TRPM3: variants seen among roughly 807,000 people sequenced by gnomAD.
The protein encoded by TRPM3 is long transient receptor potential channel 3.
A neutral mutation model predicts 181.2 loss-of-function variants in TRPM3; 77 were observed. The ratio of observed to expected loss-of-function variants is 0.42; its 90% CI spans 0.35 to 0.51. The LOEUF (loss-of-function observed/expected upper bound fraction) is 0.51. TRPM3 is among the 20% of genes least tolerant of loss of function. The pLI is 0.01. For missense variants in TRPM3, 1,759 were observed against 2,196.7 expected (o/e 0.80, Z 3.98); for synonymous variants, 745 against 796.4 (o/e 0.94, Z 1.09).
chr9:70,966,619 T>G (rs965923256), intron 1 of TRPM3, among the ~76,000 whole-genome samples: 1 of 152,148 alleles, frequency 6.6e-6, no homozygotes, highest in East Asian at 1.9e-4. Context: ...GAGGCCATTA[T>G]CCTTAGCAAA....
intron 1 of TRPM3, among the ~76,000 whole-genome samples, chr9:70,899,543 C>G (rs1159749670): frequency 6.6e-6 from 1 of 152,100 alleles, no homozygotes; most frequent in Non-Finnish European, 1.5e-5. Flanking sequence ...GTGCTGCTTC[C>G]TTTGCCTAAA....
intron 15 of TRPM3, 54 bp from the exon 16 acceptor site, chr9:70,620,419 C>CTA: frequency 6.5e-7 from 1 of 1,540,890 alleles, no homozygotes; most frequent in Non-Finnish European, 8.8e-7. Context: ...TGGTTCATTT[C>CTA]AGCAAGTAGC....
intron 1 of TRPM3, among the ~76,000 whole-genome samples, chr9:71,351,100 T>C (rs934689377): frequency 8.7e-4 from 132 of 152,296 alleles, no homozygotes; most frequent in African/African-American, 3.1e-3. Flanking sequence ...TTTTTAAAGG[T>C]GAACCTGATG....
chr9:71,385,011 C>T (rs188794559), intron 1 of TRPM3, among the ~76,000 whole-genome samples: 49 of 152,286 alleles, frequency 3.2e-4, no homozygotes, highest in African/African-American at 1.2e-3. Flanking sequence ...AATGTTGCAT[C>T]TTCTGAGATA....
chr9:71,326,076 C>A (rs1007506455), intron 1 of TRPM3, among the ~76,000 whole-genome samples: 2 of 152,078 alleles, frequency 1.3e-5, no homozygotes, highest in African/African-American at 4.8e-5. Context: ...AATACTTGCC[C>A]ATGTCAGAAA....
At chr9:71,309,536 T>C (rs1047543262) in intron 1 of TRPM3, among the ~76,000 whole-genome samples, 2 of 152,140 alleles carry the variant, frequency 1.3e-5, no homozygotes, top group Non-Finnish European at 2.9e-5. Context: ...CAAAATAAAG[T>C]ATGCTCTGCA....
upstream of TRPM3, among the ~76,000 whole-genome samples, chr9:71,122,466 T>C (rs776946217): frequency 1.3e-5 from 2 of 152,216 alleles, no homozygotes; most frequent in African/African-American, 4.8e-5. Context: ...GTGGGAGCAG[T>C]TGACCTGACA....
intron 1 of TRPM3, among the ~76,000 whole-genome samples, chr9:71,239,398 G>A (rs1216322513): frequency 6.6e-6 from 1 of 152,064 alleles, no homozygotes; most frequent in East Asian, 1.9e-4. Context: ...CAAAAATTAA[G>A]TCTGGCTTCC....
intron 1 of TRPM3, among the ~76,000 whole-genome samples, chr9:70,970,928 A>G (rs1301265073): frequency 6.6e-6 from 1 of 152,202 alleles, no homozygotes; most frequent in Non-Finnish European, 1.5e-5. Context: ...GAACAAGTAA[A>G]AAACCCAAAC....
At position 70,553,034 on chromosome 9, in the gene TRPM3, A is replaced by T; in HGVS notation, c.3384T>A (p.Phe1128Leu). The change falls in exon 24 of 26, where the codon TTT becomes TTA. Residue 1128 changes from phenylalanine to leucine, a missense_variant. This residue lies in a region of TRPM3 where 94 missense variants were observed against 221.3 expected (regional missense o/e 0.42). Coordinates refer to ENST00000677713, the MANE Select transcript of TRPM3 (RefSeq NM_001366145.2). ...NLLIAVFNNT[F>L]FEVKSISNQV... ...GGTTGGATATCGATTTTACTTCAAA[A>T]AATGTATTGCTAAAATAGAGACCAA... 1 of 1,614,188 alleles carries T rather than the reference A, an allele frequency of 6.2e-7. No individual in the cohort carries two copies.
chr9:71,412,352 G>A (rs1343776376), intron 1 of TRPM3, among the ~76,000 whole-genome samples: 1 of 152,084 alleles, frequency 6.6e-6, no homozygotes, highest in Non-Finnish European at 1.5e-5. Flanking sequence ...CTACCCACCT[G>A]ACAAAGGGCT....
intron 1 of TRPM3, among the ~76,000 whole-genome samples, chr9:71,160,501 C>T (rs1339832161): frequency 2.0e-5 from 3 of 152,220 alleles, no homozygotes; most frequent in South Asian, 2.1e-4. Flanking sequence ...CACCTCTGCC[C>T]CAACTCCAGA....
At chr9:71,431,724 T>A (rs1012095893) in intron 1 of TRPM3, among the ~76,000 whole-genome samples, 3 of 152,220 alleles carry the variant, frequency 2.0e-5, no homozygotes, top group African/African-American at 7.2e-5. Flanking sequence ...TTTTATTTCA[T>A]CTTCCATAAC....
intron 1 of TRPM3, among the ~76,000 whole-genome samples, chr9:71,139,626 T>C (rs148932234): frequency 6.6e-6 from 1 of 152,314 alleles, no homozygotes; most frequent in East Asian, 1.9e-4. Context: ...ATAGAAACTT[T>C]AACTTACATT....
chr9:71,212,851 C>CTATG (rs3041656), intron 1 of TRPM3, among the ~76,000 whole-genome samples: 63,929 of 150,960 alleles, frequency 0.42, 13,900 homozygotes, highest in East Asian at 0.51. Context: ...GCCAGCTTTA[C>CTATG]TATGTATGTA....
At chr9:71,046,949 A>T (rs1414019840) in intron 1 of TRPM3, among the ~76,000 whole-genome samples, 1 of 152,224 alleles carries the variant, frequency 6.6e-6, no homozygotes, top group Non-Finnish European at 1.5e-5. Context: ...ACCAAATACC[A>T]TATACCTGTT....
At chr9:71,125,967 A>G (rs1280936073), upstream of TRPM3, among the ~76,000 whole-genome samples, 4 of 152,190 alleles carry the variant, frequency 2.6e-5, no homozygotes, top group South Asian at 2.1e-4. Context: ...TTTGCAATCT[A>G]TCCATCTGAC....
intron 22 of TRPM3, among the ~76,000 whole-genome samples, chr9:70,581,641 T>G (rs1422271423): frequency 6.6e-6 from 1 of 152,196 alleles, no homozygotes; most frequent in Non-Finnish European, 1.5e-5. Flanking sequence ...TCAGAAGGGG[T>G]GTACTCTGCT....
chr9:71,106,203 G>T (rs2069511609), intron 1 of TRPM3, among the ~76,000 whole-genome samples: 1 of 152,092 alleles, frequency 6.6e-6, no homozygotes, highest in African/African-American at 2.4e-5. Flanking sequence ...TTTTCCTTTT[G>T]CTCAGTGATA....
Sources: gnomAD v4.1 joint callset for allele counts (sites outside exome capture counted in the v4.1 genomes callset) on GRCh38, gnomAD v4.1.1 for gene constraint, gnomAD v4.1.1 regional missense constraint, MANE v1.5 for transcripts, NCBI Gene and HGNC (gene_info 2026-07-23, HGNC 2026-07-21) for gene names.